ZSWIM6: variants seen among roughly 807,000 people sequenced by gnomAD.
ZSWIM6 encodes zinc finger SWIM-type containing 6.
ZSWIM6 carries 9 observed loss-of-function variants against 113.2 expected under a neutral mutation model. The observed-to-expected ratio is 0.08, with a 90% CI of 0.05 to 0.14. The LOEUF (loss-of-function observed/expected upper bound fraction) is 0.14. Among genes scored for constraint, ZSWIM6 ranks in the 10% least tolerant of loss-of-function variants. The probability of loss-of-function intolerance (pLI) is 1.00; values close to 1 mark genes in which losing one functional copy is unlikely to be tolerated. For synonymous variants in ZSWIM6, 611 were observed against 606.5 expected (o/e 1.01, Z -0.11); for missense variants, 1,162 against 1,552.2 (o/e 0.75, Z 4.22).
At chr5:61,429,125 A>G (rs1333856195) in intron 1 of ZSWIM6, among the ~76,000 whole-genome samples, 1 of 152,208 alleles carries the variant, frequency 6.6e-6, no homozygotes, top group African/African-American at 2.4e-5. Flanking sequence ...GGGACAGTCA[A>G]GTGTTGCTAC....
intron 4 of ZSWIM6, among the ~76,000 whole-genome samples, chr5:61,494,714 G>A (rs1748273358): frequency 6.6e-6 from 1 of 152,008 alleles, no homozygotes; most frequent in East Asian, 1.9e-4. Flanking sequence ...TTATATTGTA[G>A]AGCTGATTAC....
chr5:61,403,389 T>G (rs1242380461), intron 1 of ZSWIM6, among the ~76,000 whole-genome samples: 2 of 152,214 alleles, frequency 1.3e-5, no homozygotes, highest in Admixed American at 1.3e-4. Flanking sequence ...TGGCCTAAGA[T>G]TTCTAAACCA....
At position 61,402,522 on chromosome 5, in the gene ZSWIM6, GT is replaced by G. The variant is rs201557058; in HGVS notation, c.676+69584del. Among the ~76,000 whole-genome samples, 266 of 147,918 alleles carry G rather than the reference GT, an allele frequency of 1.8e-3. 2 individuals are homozygous for G. The highest frequency in any genetic ancestry group is 5.8e-3 in the African/African-American group (230 of 39,966). On this transcript the variant is annotated intron_variant, in intron 1 of 13. Transcript: ENST00000252744. ...GCATGGATTCCAGAGATTCTAGTTT[GT>G]TTTTTTTTTCCCCCCAGGAAGAAAA...
chr5:61,517,800 T>TATTC (rs1748993493), intron 4 of ZSWIM6, among the ~76,000 whole-genome samples: 2 of 150,844 alleles, frequency 1.3e-5, no homozygotes, highest in South Asian at 4.2e-4. Context: ...TTTATTTATT[T>TATTC]ATTATTATTA....
intron 1 of ZSWIM6, among the ~76,000 whole-genome samples, chr5:61,459,416 A>G (rs894053775): frequency 3.9e-5 from 6 of 152,202 alleles, no homozygotes; most frequent in Non-Finnish European, 7.4e-5. Flanking sequence ...AAGTAAAAAC[A>G]CATTTCTATT....
intron 1 of ZSWIM6, among the ~76,000 whole-genome samples, chr5:61,369,167 C>T (rs981479901): frequency 7.2e-5 from 11 of 152,298 alleles, no homozygotes; most frequent in African/African-American, 2.6e-4. Context: ...CTTCTTCCTA[C>T]TATATTGTTC....
Position 61,481,229 on chromosome 5 carries a change from C to T in ZSWIM6, c.1033+8192C>T, listed in dbSNP as rs139996817. ...AATTAGAAGTCAAAGCTGTGAATAG[C>T]TCCATGCACCAGACACAGCATAAGC... On this transcript the variant is annotated intron_variant, in intron 2 of 13. Coordinates refer to ENST00000252744, the MANE Select transcript of ZSWIM6 (RefSeq NM_020928.2). Among the ~76,000 whole-genome samples the T allele has an allele frequency of 1.4e-4, 22 of 152,276 alleles. 2 individuals carry two copies. In the East Asian group the frequency reaches 4.1e-3, roughly 28 times the overall value.
intron 4 of ZSWIM6, among the ~76,000 whole-genome samples, chr5:61,519,256 AGG>A (rs1356501203): frequency 1.4e-4 from 22 of 152,346 alleles, no homozygotes; most frequent in African/African-American, 5.3e-4. Context: ...AAGTGTGACC[AGG>A]ACTTCTACCA....
intron 1 of ZSWIM6, among the ~76,000 whole-genome samples, chr5:61,442,975 G>T (rs566319955): frequency 3.4e-4 from 52 of 152,302 alleles, no homozygotes; most frequent in African/African-American, 1.2e-3. Context: ...TCTTCCATTA[G>T]TTCAGTGCAT....
Position 61,332,349 on chromosome 5 carries a change from G to T in ZSWIM6, c.77G>T (p.Gly26Val). Residue 26 changes from glycine (G) to valine (V), a missense_variant, in exon 1 of 14, where the codon GGC (glycine) becomes GTC (valine). Gly to Val is a moderately radical substitution (Grantham distance 109, BLOSUM62 -3). Coordinates refer to ENST00000252744, the MANE Select transcript of ZSWIM6 (RefSeq NM_020928.2). ...CCGGGCGGCGGCGGCGGCGGCGGGG[G>T]CAGCAGCGGCGGCGGCGGCGGCGCG... is the stretch of plus-strand genomic sequence containing the variant. ...CRPGGGGGGGGSSGGGGGAGG... is the reference protein window; with the variant it reads ...CRPGGGGGGGVSSGGGGGAGG... The T allele has an allele frequency of 9.7e-7, 1 of 1,027,536 alleles. No homozygotes were observed. The highest frequency in any genetic ancestry group is 1.2e-6 in the Non-Finnish European group (1 of 843,274). 63.7% of individuals were successfully genotyped at this position (1,027,536 alleles called of 1,614,324 possible).
In ZSWIM6 at chr5:61,530,108, C is replaced by T; in HGVS notation, c.1894C>T (p.Pro632Ser). Residue 632 changes from proline to serine, a missense_variant, in exon 8 of 14, where the codon CCC becomes TCC. Coordinates refer to ENST00000252744, the MANE Select transcript of ZSWIM6 (RefSeq NM_020928.2). ...ITNLEGWVGH[P>S]LDPVGTLFSS... ...CAATCTGGAGGGCTGGGTTGGACAT[C>T]CCCTGGACCCTGTGGGCACTCTCTT... 6.4e-7 allele frequency: 1 copy of T among 1,551,684 alleles called. No homozygotes were observed. The highest frequency in any genetic ancestry group is 8.7e-7 in the Non-Finnish European group (1 of 1,146,924).
chr5:61,482,177 A>G (rs898123452), intron 2 of ZSWIM6, among the ~76,000 whole-genome samples: 11 of 152,226 alleles, frequency 7.2e-5, no homozygotes, highest in African/African-American at 2.7e-4. Flanking sequence ...TACATTTTAT[A>G]TAAGGCTTAG....
At chr5:61,356,192 G>A (rs918976433) in intron 1 of ZSWIM6, among the ~76,000 whole-genome samples, 2 of 152,158 alleles carry the variant, frequency 1.3e-5, no homozygotes, top group Admixed American at 6.6e-5. Context: ...CCCCGAACTC[G>A]GGTTCAAGTG....
chr5:61,340,129 A>G lies in ZSWIM6; in HGVS notation c.676+7181A>G, dbSNP rs551421707. On this transcript the variant is annotated intron_variant, in intron 1 of 13. Coordinates refer to ENST00000252744, the MANE Select transcript of ZSWIM6 (RefSeq NM_020928.2). ...GTACTTGCTTTTCAGTTCTTTAAAAATAGGACATTTCCTTATTTTTTTTCA... is the reference window on the plus strand; with the variant it reads ...GTACTTGCTTTTCAGTTCTTTAAAAGTAGGACATTTCCTTATTTTTTTTCA... Among the ~76,000 whole-genome samples, 3 of 152,334 alleles carry G rather than the reference A, an allele frequency of 2.0e-5. No homozygotes were observed. The East Asian group carries it at 5.8e-4, about 29-fold the overall frequency.
At chr5:61,480,220 A>G (rs900901746) in intron 2 of ZSWIM6, among the ~76,000 whole-genome samples, 1 of 152,226 alleles carries the variant, frequency 6.6e-6, no homozygotes, top group Non-Finnish European at 1.5e-5. Flanking sequence ...TTATTTCTGT[A>G]CATGAATACG....
At chr5:61,399,558 C>T (rs939768636) in intron 1 of ZSWIM6, among the ~76,000 whole-genome samples, 4 of 152,166 alleles carry the variant, frequency 2.6e-5, no homozygotes, top group Non-Finnish European at 4.4e-5. Context: ...GACCAGAATC[C>T]TCTGGTTACA....
rs182562153 is a variant in ZSWIM6 at position 61,464,652 on chromosome 5, C to T, written c.677-8029C>T. On this transcript the variant is annotated intron_variant, in intron 1 of 13. Coordinates refer to ENST00000252744, the MANE Select transcript of ZSWIM6 (RefSeq NM_020928.2). ...AGTGTGGGTGGAAGAATTTGGCTGC[C>T]AAAGGCCTACATTTCTCCCCTCCCA... Among the ~76,000 whole-genome samples the T allele has an allele frequency of 4.5e-3, 692 of 152,230 alleles. 4 individuals carry two copies. The highest frequency in any genetic ancestry group is 0.016 in the African/African-American group (665 of 41,540).
chr5:61,468,860 C>A (rs1747499420), intron 1 of ZSWIM6, among the ~76,000 whole-genome samples: 1 of 152,116 alleles, frequency 6.6e-6, no homozygotes, highest in African/African-American at 2.4e-5. Context: ...GGTTGAATTC[C>A]TGCATATTGA....
rs1258099997 is a variant in ZSWIM6 at position 61,476,311 on chromosome 5, G to A, written c.1033+3274G>A. Reference sequence around the variant, plus strand: ...CAATTTCCTTGTGAGCAATTTTCTTGTAATTTATAATTGCAATAGTGTGTA... The same window carrying A: ...CAATTTCCTTGTGAGCAATTTTCTTATAATTTATAATTGCAATAGTGTGTA... On this transcript the variant is annotated intron_variant, in intron 2 of 13. Coordinates refer to ENST00000252744, the MANE Select transcript of ZSWIM6 (RefSeq NM_020928.2). 2.0e-5 allele frequency among the ~76,000 whole-genome samples: 3 copies of A among 152,022 alleles called. No homozygotes were observed. The East Asian group carries it at 5.8e-4, about 29-fold the overall frequency.
Sources: gnomAD v4.1 joint callset for allele counts (sites outside exome capture counted in the v4.1 genomes callset) on GRCh38, gnomAD v4.1.1 for gene constraint, MANE v1.5 for transcripts, NCBI Gene and HGNC (gene_info 2026-07-23, HGNC 2026-07-21) for gene names.